Variants in TMEM114 observed in about 807,000 individuals in gnomAD.
The protein encoded by TMEM114 is transmembrane protein 114, also known as claudin-26.
A neutral mutation model predicts 6.2 loss-of-function variants in TMEM114; 6 were observed. The ratio of observed to expected loss-of-function variants is 0.97; its 90% CI spans 0.53 to 1.91. The LOEUF (loss-of-function observed/expected upper bound fraction) is 1.91, where lower values mean the gene tolerates loss of function less well. Ranked by LOEUF, TMEM114 falls within the 40% of genes most tolerant of loss-of-function variation. TMEM114 has a pLI of 0.01. For missense variants in TMEM114, 218 were observed against 158.3 expected (o/e 1.38, Z -2.02); for synonymous variants, 104 against 73.0 (o/e 1.42, Z -2.16).
chr16:8,569,652 AG>A lies in TMEM114; in HGVS notation c.*120del, dbSNP rs1173309118. 7 of 1,440,604 alleles carry A rather than the reference AG, an allele frequency of 4.9e-6. No homozygotes were observed. The highest frequency in any genetic ancestry group is 5.0e-5 in the East Asian group (2 of 40,034). 89.2% of individuals were successfully genotyped at this position (1,440,604 alleles called of 1,614,324 possible). On this transcript the variant is annotated 3_prime_UTR_variant, in exon 4 of 4. Coordinates refer to ENST00000620492, the MANE Select transcript of TMEM114 (RefSeq NM_001146336.2). ...GTCCGCGGGGATTTGTGGGGGAAGG[AG>A]GGGGGTGCCTGGCCTCCCCGAGTGG...
chr16:8,537,930 A>AT (rs1900408240), intron 2 of TMEM114: 1 of 152,054 alleles, frequency 6.6e-6, no homozygotes, highest in Non-Finnish European at 1.5e-5. Context: ...CTTTGCTCCT[A>AT]TTTGCATAAA....
At position 8,569,948 on chromosome 16, in the gene TMEM114, C is replaced by G. The variant is rs899943322; in HGVS notation, c.497G>C (p.Arg166Pro). The G allele has an allele frequency of 6.4e-7, 1 of 1,551,004 alleles. No individual in the cohort carries two copies. The highest frequency in any genetic ancestry group is 8.7e-7 in the Non-Finnish European group (1 of 1,146,962). ...VYIAYSAAAF[R>P]EALCLLEEKA... ...CTCCTCCAAGAGACACAGCGCCTCC[C>G]GGAAGGCGGCGGCTGAATACGCTAT... The change falls in exon 4 of 4, where the codon CGG (arginine) becomes CCG (proline). Residue 166 changes from arginine to proline, a missense_variant. By Grantham distance (103) the Arg-to-Pro change is moderately radical. Coordinates refer to ENST00000620492, the MANE Select transcript of TMEM114 (RefSeq NM_001146336.2).
Sources: gnomAD v4.1 joint callset for allele counts on GRCh38, gnomAD v4.1.1 for gene constraint, MANE v1.5 for transcripts, NCBI Gene and HGNC (gene_info 2026-07-23, HGNC 2026-07-21) for gene names.